DPH6: variants seen among roughly 807,000 people sequenced by gnomAD.
DPH6 encodes diphthine--ammonia ligase.
DPH6 carries 33 observed loss-of-function variants against 38.2 expected under a neutral mutation model. The ratio of observed to expected loss-of-function variants is 0.86; its 90% CI spans 0.65 to 1.15. The LOEUF (loss-of-function observed/expected upper bound fraction) is 1.15, where lower values mean the gene tolerates loss of function less well. Among genes scored for constraint, DPH6 ranks in the 50% most tolerant of loss-of-function variants. The pLI, the probability that DPH6 is intolerant of heterozygous loss-of-function variation, is 0.00. For missense variants in DPH6, 325 were observed against 320.0 expected, an observed-to-expected ratio of 1.02 and a Z score of -0.12; for synonymous variants, 108 against 103.0, an observed-to-expected ratio of 1.05 and a Z score of -0.30.
At chr15:35,294,119 G>A (rs1040655701) in intron 3 of DPH6, among the ~76,000 whole-genome samples, 10 of 152,064 alleles carry the variant, frequency 6.6e-5, no homozygotes, top group African/African-American at 2.2e-4. Context: ...AATTGACTCC[G>A]TATATAGCCA....
At chr15:35,431,798 T>C (rs899965184) in intron 5 of DPH6, among the ~76,000 whole-genome samples, 2 of 152,200 alleles carry the variant, frequency 1.3e-5, no homozygotes, top group Admixed American at 1.3e-4. Flanking sequence ...GCAAAGTTTT[T>C]TTTTTTGGAG....
intron 3 of DPH6, among the ~76,000 whole-genome samples, chr15:35,493,112 C>T (rs890513653): frequency 9.2e-5 from 14 of 152,166 alleles, no homozygotes; most frequent in South Asian, 2.1e-4. Context: ...CACCAACATT[C>T]TCTCATTTGC....
the DPH6 span, among the ~76,000 whole-genome samples, chr15:35,153,933 T>C: frequency 2.0e-5 from 3 of 151,252 alleles, no homozygotes; most frequent in Non-Finnish European, 4.4e-5. Flanking sequence ...AGGAAATTAG[T>C]AGAAAAATTG....
chr15:35,322,745 T>C (rs1185926392), intron 3 of DPH6, among the ~76,000 whole-genome samples: 1 of 152,174 alleles, frequency 6.6e-6, no homozygotes, highest in Non-Finnish European at 1.5e-5. Context: ...TTTATTCCTA[T>C]TTATTTGAAA....
chr15:35,502,405 T>C (rs1262705766), intron 3 of DPH6, among the ~76,000 whole-genome samples: 5 of 152,086 alleles, frequency 3.3e-5, no homozygotes, highest in Non-Finnish European at 5.9e-5. Context: ...ACATTACTAC[T>C]GCCAACCACT....
At chr15:35,377,677 A>G (rs1261509431) in intron 7 of DPH6, among the ~76,000 whole-genome samples, 1 of 152,176 alleles carries the variant, frequency 6.6e-6, no homozygotes, top group Non-Finnish European at 1.5e-5. Flanking sequence ...CTAGAGGTGA[A>G]TGACTTCATC....
chr15:35,397,774 A>G (rs1356882181), intron 6 of DPH6, among the ~76,000 whole-genome samples: 2 of 152,024 alleles, frequency 1.3e-5, no homozygotes, highest in Non-Finnish European at 2.9e-5. Flanking sequence ...TTTATTCCCT[A>G]CAGCAGATAA....
At chr15:35,520,342 T>C (rs780521877) in intron 3 of DPH6, 24 of 983,442 alleles carry the variant, frequency 2.4e-5, no homozygotes, top group Admixed American at 6.2e-5. Flanking sequence ...TTTTTCCTCA[T>C]AGACATGCAT....
chr15:35,481,280 T>C (rs2054323437), intron 3 of DPH6, among the ~76,000 whole-genome samples: 3 of 152,174 alleles, frequency 2.0e-5, no homozygotes, highest in Admixed American at 6.6e-5. Context: ...AAGCAACACA[T>C]TGCCCTGCAC....
chr15:35,317,590 C>CA (rs79613862), intron 3 of DPH6, among the ~76,000 whole-genome samples: 1,350 of 73,736 alleles, frequency 0.018, 4 homozygotes, highest in Middle Eastern at 0.056. Context: ...TTCTGCTGGA[C>CA]AAAAAAAAAA....
In DPH6 at chr15:35,363,338, T is replaced by C. The variant is rs1325398761; in HGVS notation, n.207+10183A>G. ...TAATTATATATATACAAATTAAGAATTGTTATATCTTCCTGAAGAATTGAG... is the reference window on the plus strand; with the variant it reads ...TAATTATATATATACAAATTAAGAACTGTTATATCTTCCTGAAGAATTGAG... On this transcript the variant is annotated intron_variant and non_coding_transcript_variant, in intron 3 of 3. Coordinates refer to the DPH6 transcript ENST00000558973. Among the ~76,000 whole-genome samples, 5 of 152,298 alleles carry C rather than the reference T, an allele frequency of 3.3e-5. No individual in the cohort carries two copies. The South Asian group carries it at 6.2e-4, about 19-fold the overall frequency.
chr15:35,437,507 C>G (rs1428427524), intron 5 of DPH6, among the ~76,000 whole-genome samples: 1 of 152,142 alleles, frequency 6.6e-6, no homozygotes, highest in Non-Finnish European at 1.5e-5. Flanking sequence ...TTTTTCTTAC[C>G]AGTTGGGCTT....
At chr15:35,251,757 A>C (rs981003435) in intron 3 of DPH6, among the ~76,000 whole-genome samples, 6 of 152,202 alleles carry the variant, frequency 3.9e-5, no homozygotes, top group African/African-American at 1.2e-4. Context: ...AGTTTACCAC[A>C]CTGTACATTC....
At chr15:35,286,514 T>C (rs1353306460) in intron 3 of DPH6, among the ~76,000 whole-genome samples, 1 of 152,204 alleles carries the variant, frequency 6.6e-6, no homozygotes, top group Non-Finnish European at 1.5e-5. Flanking sequence ...AGTAGGAGCA[T>C]ATAGTGACTA....
At chr15:35,511,297 T>C (rs180822803) in intron 3 of DPH6, among the ~76,000 whole-genome samples, 1 of 152,124 alleles carries the variant, frequency 6.6e-6, no homozygotes, top group Admixed American at 6.6e-5. Context: ...ATGACCATAA[T>C]CTAATGAAGG....
At chr15:35,393,747 GT>G (rs932763298) in intron 6 of DPH6, among the ~76,000 whole-genome samples, 2 of 152,268 alleles carry the variant, frequency 1.3e-5, no homozygotes, top group Non-Finnish European at 2.9e-5. Context: ...TGCTTCTGCT[GT>G]TTTCTCGAAT....
the DPH6 span, among the ~76,000 whole-genome samples, chr15:35,207,585 GTAAC>G: frequency 6.6e-6 from 1 of 152,060 alleles, no homozygotes; most frequent in African/African-American, 2.4e-5. Flanking sequence ...TTAGGCAGGG[GTAAC>G]TAAATTAAAA....
intron 3 of DPH6, among the ~76,000 whole-genome samples, chr15:35,221,048 A>C (rs1050036774): frequency 4.6e-5 from 7 of 152,230 alleles, no homozygotes; most frequent in Non-Finnish European, 7.3e-5. Context: ...CAAAACACCA[A>C]GGCGGAACAG....
chr15:35,222,395 G>C (rs2051448252), intron 3 of DPH6, among the ~76,000 whole-genome samples: 1 of 152,186 alleles, frequency 6.6e-6, no homozygotes, highest in Admixed American at 6.5e-5. Context: ...CCTTGGCACA[G>C]TCTCATGAGG....
Sources: allele counts gnomAD v4.1 joint callset (sites outside exome capture counted in the v4.1 genomes callset), GRCh38; gene constraint gnomAD v4.1.1; transcripts MANE v1.5; gene names NCBI Gene and HGNC (gene_info 2026-07-23, HGNC 2026-07-21).